GATAD2A: variants seen among roughly 807,000 people sequenced by gnomAD.
GATAD2A encodes transcriptional repressor p66-alpha.
In GATAD2A, 12 loss-of-function variants were observed where a neutral mutation model predicts 68.5. The ratio of observed to expected loss-of-function variants is 0.18; its 90% CI spans 0.11 to 0.28. The LOEUF (loss-of-function observed/expected upper bound fraction) is 0.28, where lower values mean the gene tolerates loss of function less well. GATAD2A is among the 10% of genes least tolerant of loss of function. The probability of loss-of-function intolerance (pLI) is 1.00; values close to 1 mark genes in which losing one functional copy is unlikely to be tolerated. For synonymous variants in GATAD2A, 410 were observed against 375.3 expected, an observed-to-expected ratio of 1.09 and a Z score of -1.07; for missense variants, 755 against 868.5, an observed-to-expected ratio of 0.87 and a Z score of 1.64.
chr19:19,387,333 T>G (rs2048511528), intron 1 of GATAD2A, among the ~76,000 whole-genome samples: 1 of 151,512 alleles, frequency 6.6e-6, no homozygotes, highest in Non-Finnish European at 1.5e-5. Flanking sequence ...TTTCTTTTTT[T>G]TTTTGAGACA....
At chr19:19,476,016 G>A (rs557343568) in intron 2 of GATAD2A, among the ~76,000 whole-genome samples, 26 of 152,194 alleles carry the variant, frequency 1.7e-4, no homozygotes, top group Non-Finnish European at 2.8e-4. Context: ...CTGAACTTCA[G>A]CTTCTCCAAG....
chr19:19,439,409 T>C (rs2054731055), intron 1 of GATAD2A, among the ~76,000 whole-genome samples: 1 of 152,202 alleles, frequency 6.6e-6, no homozygotes, highest in Non-Finnish European at 1.5e-5. Context: ...AATATAAGAA[T>C]CCTGCACGTT....
chr19:19,445,740 CAG>C (rs766608432), intron 1 of GATAD2A, among the ~76,000 whole-genome samples: 5 of 152,144 alleles, frequency 3.3e-5, no homozygotes, highest in Non-Finnish European at 7.4e-5. Flanking sequence ...CACATTGTGT[CAG>C]AGTTTCATTC....
chr19:19,418,575 G>A (rs1478671472), intron 1 of GATAD2A, among the ~76,000 whole-genome samples: 2 of 152,078 alleles, frequency 1.3e-5, no homozygotes, highest in African/African-American at 4.8e-5. Flanking sequence ...AGCTGGTTGG[G>A]AACCCACATT....
At chr19:19,430,976 G>GGTGTGTGTGTGTGTGTGT (rs71170687) in intron 1 of GATAD2A, among the ~76,000 whole-genome samples, 34 of 136,780 alleles carry the variant, frequency 2.5e-4, no homozygotes, top group African/African-American at 6.7e-4. Context: ...GTATGGTAGG[G>GGTGTGTGTGTGTGTGTGT]GTGTGTGTGT....
At position 19,505,869 on chromosome 19, in the gene GATAD2A, G is replaced by A. The variant is rs1600324400; in HGVS notation, c.*395G>A. 13 of 400,892 alleles carry A rather than the reference G, an allele frequency of 3.2e-5. No homozygotes were observed. Among genetic ancestry groups the A allele is most frequent in the East Asian group, 1.8e-4 (5 of 28,082 alleles). 24.8% of individuals were successfully genotyped at this position (400,892 alleles called of 1,614,324 possible). ...TGTGATGCGCATGGGCAAGGCCAGCGCCCGGGGCTTCTGAACCGAGCGGGG... is the reference window on the plus strand; with the variant it reads ...TGTGATGCGCATGGGCAAGGCCAGCACCCGGGGCTTCTGAACCGAGCGGGG... On this transcript the variant is annotated 3_prime_UTR_variant, in exon 12 of 12. Transcript: ENST00000683918.
At chr19:19,450,644 TG>T (rs1403888721) in intron 1 of GATAD2A, among the ~76,000 whole-genome samples, 2 of 149,162 alleles carry the variant, frequency 1.3e-5, no homozygotes, top group African/African-American at 4.9e-5. Context: ...CACAAGGTGC[TG>T]GGGGGTATGT....
intron 1 of GATAD2A, among the ~76,000 whole-genome samples, chr19:19,463,245 A>T (rs1848099545): frequency 6.6e-6 from 1 of 152,076 alleles, no homozygotes; most frequent in Admixed American, 6.5e-5. Flanking sequence ...GGGAAATGAG[A>T]GGAGGGGACC....
intron 5 of GATAD2A, 105 bp from the exon 6 acceptor site, chr19:19,495,649 A>AC (rs1555719257): frequency 4.6e-5 from 49 of 1,061,722 alleles, no homozygotes; most frequent in Middle Eastern, 5.9e-4. Context: ...AAAAAAAAAA[A>AC]AAAAAACTAG....
intron 2 of GATAD2A, among the ~76,000 whole-genome samples, chr19:19,489,343 G>C (rs539403856): frequency 6.6e-6 from 1 of 152,342 alleles, no homozygotes; most frequent in East Asian, 1.9e-4. Flanking sequence ...CAAAATGAAG[G>C]CTGCGTGTCA....
intron 1 of GATAD2A, chr19:19,436,296 T>G: frequency 2.6e-6 from 2 of 761,262 alleles, no homozygotes; most frequent in South Asian, 2.7e-5. Context: ...TCTTGGACAC[T>G]TTAAAGTGAG....
chr19:19,400,308 A>T (rs2049613537), intron 1 of GATAD2A, among the ~76,000 whole-genome samples: 1 of 152,208 alleles, frequency 6.6e-6, no homozygotes. Flanking sequence ...CTAACTGCAG[A>T]TGGAGCCTGA....
At chr19:19,478,570 G>A (rs953991126) in intron 2 of GATAD2A, among the ~76,000 whole-genome samples, 3 of 151,784 alleles carry the variant, frequency 2.0e-5, no homozygotes, top group African/African-American at 4.8e-5. Context: ...CTCCAGCCTC[G>A]GCGACAGAGT....
At chr19:19,504,282 C>T (rs1026960883) in intron 11 of GATAD2A, among the ~76,000 whole-genome samples, 5 of 152,124 alleles carry the variant, frequency 3.3e-5, no homozygotes, top group Non-Finnish European at 2.9e-5. Flanking sequence ...TATTTATTTT[C>T]CAATTATAAA....
At chr19:19,410,718 G>A (rs1032759035) in intron 1 of GATAD2A, among the ~76,000 whole-genome samples, 2 of 152,170 alleles carry the variant, frequency 1.3e-5, no homozygotes, top group African/African-American at 2.4e-5. Context: ...AAGTGTGGCC[G>A]TGTGCCTATT....
At chr19:19,483,979 T>G (rs2148286569) in intron 2 of GATAD2A, among the ~76,000 whole-genome samples, 1 of 152,032 alleles carries the variant, frequency 6.6e-6, no homozygotes, top group South Asian at 2.1e-4. Context: ...GAGCTCTCTT[T>G]CTATCAGCTG....
At chr19:19,465,234 C>T (rs2057777232) in intron 1 of GATAD2A, 106 bp from the exon 2 acceptor site, 1 of 840,770 alleles carries the variant, frequency 1.2e-6, no homozygotes, top group Non-Finnish European at 2.0e-6. Flanking sequence ...TTTTGCCATC[C>T]TTCCCATAGG....
intron 2 of GATAD2A, among the ~76,000 whole-genome samples, chr19:19,477,337 G>C (rs554120289): frequency 6.6e-6 from 1 of 152,272 alleles, no homozygotes; most frequent in Admixed American, 6.5e-5. Context: ...TAAAATAGTT[G>C]TGACGTCATC....
intron 1 of GATAD2A, among the ~76,000 whole-genome samples, chr19:19,407,313 C>G (rs1184958702): frequency 6.6e-6 from 1 of 152,220 alleles, no homozygotes; most frequent in Non-Finnish European, 1.5e-5. Flanking sequence ...CAGACCTGAC[C>G]ACAAGCTGTG....
Sources: allele counts gnomAD v4.1 joint callset (sites outside exome capture counted in the v4.1 genomes callset), GRCh38; gene constraint gnomAD v4.1.1; transcripts MANE v1.5; gene names NCBI Gene and HGNC (gene_info 2026-07-23, HGNC 2026-07-21).